CNTN3: variants seen among roughly 807,000 people sequenced by gnomAD.
CNTN3 encodes the protein contactin 3.
Under a neutral mutation model 119.1 loss-of-function variants are expected in CNTN3, and 60 were observed. The observed-to-expected ratio is 0.50, with a 90% CI of 0.41 to 0.62. The LOEUF is 0.62. Among genes scored for constraint, CNTN3 ranks in the 20% least tolerant of loss-of-function variants. The probability of loss-of-function intolerance (pLI) is 0.00; values close to 1 mark genes in which losing one functional copy is unlikely to be tolerated. For missense variants in CNTN3, 1,101 were observed against 1,242.4 expected, an observed-to-expected ratio of 0.89 and a Z score of 1.71; for synonymous variants, 450 against 438.7, an observed-to-expected ratio of 1.03 and a Z score of -0.32.
chr3:74,471,912 C>A (rs1217676865), intron 4 of CNTN3, among the ~76,000 whole-genome samples: 2 of 152,194 alleles, frequency 1.3e-5, no homozygotes, highest in Non-Finnish European at 2.9e-5. Flanking sequence ...CAAGGACGTT[C>A]CTAAATGCTC....
At chr3:74,291,689 A>T (rs1322166264) in intron 19 of CNTN3, among the ~76,000 whole-genome samples, 2 of 152,004 alleles carry the variant, frequency 1.3e-5, no homozygotes, top group African/African-American at 4.8e-5. Flanking sequence ...GTGTTCATTT[A>T]TTTTCTTTAA....
At chr3:74,558,677 T>A (rs946350942) in intron 1 of CNTN3, among the ~76,000 whole-genome samples, 1 of 152,032 alleles carries the variant, frequency 6.6e-6, no homozygotes, top group African/African-American at 2.4e-5. Context: ...ATCTGTAACA[T>A]GGAATTAATA....
chr3:74,463,990 T>C (rs1477977904), intron 4 of CNTN3, among the ~76,000 whole-genome samples: 2 of 152,174 alleles, frequency 1.3e-5, no homozygotes, highest in Non-Finnish European at 2.9e-5. Context: ...CAGGAACCCT[T>C]TGACAATGTC....
At chr3:74,568,335 T>C (rs897020331) in intron 1 of CNTN3, among the ~76,000 whole-genome samples, 1 of 152,212 alleles carries the variant, frequency 6.6e-6, no homozygotes, top group Non-Finnish European at 1.5e-5. Context: ...TTTCTCTCAC[T>C]AGTTCGTCCA....
intron 4 of CNTN3, among the ~76,000 whole-genome samples, chr3:74,440,968 G>C (rs993554253): frequency 2.0e-5 from 3 of 152,076 alleles, no homozygotes; most frequent in Admixed American, 1.3e-4. Flanking sequence ...GTATCCATGA[G>C]AGTCCTGGAA....
rs144292073 is a variant in CNTN3 at position 74,460,199 on chromosome 3, C to T, written c.358+26257G>A. Among the ~76,000 whole-genome samples the T allele has an allele frequency of 1.7e-4, 26 of 152,130 alleles. No individual in the cohort carries two copies. In the East Asian group the frequency reaches 4.5e-3, roughly 26 times the overall value. On this transcript the variant is annotated intron_variant, in intron 4 of 22. Coordinates refer to ENST00000263665, the MANE Select transcript of CNTN3 (RefSeq NM_020872.3). ...CTTAATATCTGCTCAAGTGATTCTT[C>T]ACATTTTGATCTTCTTTGTTGAGAC...
At chr3:74,268,201 C>T (rs1701701815) in intron 20 of CNTN3, among the ~76,000 whole-genome samples, 1 of 152,002 alleles carries the variant, frequency 6.6e-6, no homozygotes, top group Non-Finnish European at 1.5e-5. Context: ...TAAACTAATG[C>T]TAAGGGGTGA....
intron 1 of CNTN3, among the ~76,000 whole-genome samples, chr3:74,530,761 T>C (rs1340715603): frequency 6.6e-6 from 1 of 151,740 alleles, no homozygotes; most frequent in Admixed American, 6.6e-5. Flanking sequence ...AGAGGAAAGC[T>C]AGGGTATCTC....
chr3:74,302,668 C>T, intron 14 of CNTN3, 22 bp downstream of exon 14: 1 of 1,433,236 alleles, frequency 7.0e-7, no homozygotes, highest in Non-Finnish European at 9.8e-7. Context: ...GTGACAAACT[C>T]AAGGGGGCAT....
chr3:74,395,768 G>GT (rs1179598097), intron 5 of CNTN3, among the ~76,000 whole-genome samples: 2 of 152,028 alleles, frequency 1.3e-5, no homozygotes, highest in South Asian at 2.1e-4. Flanking sequence ...GTGTGTGTGT[G>GT]TTTTTTTAAA....
chr3:74,457,297 G>T (rs1430628835), intron 4 of CNTN3, among the ~76,000 whole-genome samples: 1 of 151,972 alleles, frequency 6.6e-6, no homozygotes. Flanking sequence ...CAAATAACTT[G>T]CCATCAAAAA....
At chr3:74,280,486 C>G (rs1477583397) in intron 20 of CNTN3, among the ~76,000 whole-genome samples, 1 of 152,168 alleles carries the variant, frequency 6.6e-6, no homozygotes, top group African/African-American at 2.4e-5. Flanking sequence ...CAATGAGAAG[C>G]CTACTTAGCT....
In CNTN3 at chr3:74,299,942, T is replaced by C. The variant is rs745555298; in HGVS notation, c.2096-4A>G. Reference sequence around the variant, plus strand: ...TCAGAAGGAGGCACTTCTGGAACTATACAGGTCAGAGAAACAGAGATGAAA... The same window carrying C: ...TCAGAAGGAGGCACTTCTGGAACTACACAGGTCAGAGAAACAGAGATGAAA... On this transcript the variant is annotated splice_polypyrimidine_tract_variant and splice_region_variant and intron_variant, in intron 16 of 22. Coordinates refer to ENST00000263665, the MANE Select transcript of CNTN3 (RefSeq NM_020872.3). The C allele has an allele frequency of 2.1e-4, 336 of 1,589,490 alleles. 1 individual carries two copies. The highest frequency in any genetic ancestry group is 1.2e-5 in the South Asian group (1 of 85,692).
chr3:74,310,325 TAACA>T (rs1319622801), intron 13 of CNTN3, among the ~76,000 whole-genome samples: 1 of 152,242 alleles, frequency 6.6e-6, no homozygotes, highest in Non-Finnish European at 1.5e-5. Context: ...TATTGCTATA[TAACA>T]AATTACCCCA....
intron 4 of CNTN3, among the ~76,000 whole-genome samples, chr3:74,433,645 T>C (rs547860953): frequency 6.6e-6 from 1 of 152,258 alleles, no homozygotes; most frequent in African/African-American, 2.4e-5. Flanking sequence ...CTGCCTCCCA[T>C]ACATTGCTCC....
At chr3:74,500,384 AAAAC>A (rs1275457472) in intron 2 of CNTN3, among the ~76,000 whole-genome samples, 1 of 152,024 alleles carries the variant, frequency 6.6e-6, no homozygotes, top group Non-Finnish European at 1.5e-5. Flanking sequence ...TAGAGAAAAA[AAAAC>A]AAATCTCTCT....
chr3:74,392,828 G>C (rs943831479), intron 5 of CNTN3, among the ~76,000 whole-genome samples: 2 of 151,964 alleles, frequency 1.3e-5, no homozygotes, highest in African/African-American at 4.8e-5. Flanking sequence ...TTTGAATTTA[G>C]GTTTAACATT....
intron 5 of CNTN3, among the ~76,000 whole-genome samples, chr3:74,391,450 T>C (rs1704898589): frequency 6.6e-6 from 1 of 151,990 alleles, no homozygotes; most frequent in South Asian, 2.1e-4. Context: ...AATGGGGCTG[T>C]GGAGAAGATA....
intron 14 of CNTN3, 122 bp downstream of exon 14, chr3:74,302,567 AG>A: frequency 1.5e-6 from 1 of 647,588 alleles, no homozygotes; most frequent in South Asian, 2.1e-5. Flanking sequence ...GTGGTCTATG[AG>A]GGGGGATGAA....
Sources: gnomAD v4.1 joint callset for allele counts (sites outside exome capture counted in the v4.1 genomes callset) on GRCh38, gnomAD v4.1.1 for gene constraint, MANE v1.5 for transcripts, NCBI Gene and HGNC (gene_info 2026-07-23, HGNC 2026-07-21) for gene names.